CFAP299: variants seen among roughly 807,000 people sequenced by gnomAD.
CFAP299 encodes the protein cilia- and flagella-associated protein 299.
Under a neutral mutation model 27.0 loss-of-function variants are expected in CFAP299, and 21 were observed. The ratio of observed to expected loss-of-function variants is 0.78; its 90% CI spans 0.55 to 1.12. The LOEUF is 1.12. Among genes scored for constraint, CFAP299 ranks in the 50% most tolerant of loss-of-function variants. The pLI, the probability that CFAP299 is intolerant of heterozygous loss-of-function variation, is 0.00. For synonymous variants in CFAP299, 104 were observed against 98.1 expected (o/e 1.06, Z -0.36); for missense variants, 310 against 276.6 (o/e 1.12, Z -0.86).
intron 3 of CFAP299, among the ~76,000 whole-genome samples, chr4:80,791,100 A>G (rs1001932911): frequency 6.6e-6 from 1 of 152,226 alleles, no homozygotes; most frequent in African/African-American, 2.4e-5. Context: ...GCTCTTAACC[A>G]TCTTCAAAGA....
intron 3 of CFAP299, among the ~76,000 whole-genome samples, chr4:80,642,517 G>A (rs1435366859): frequency 6.6e-6 from 1 of 152,184 alleles, no homozygotes; most frequent in African/African-American, 2.4e-5. Context: ...CATAATCCTA[G>A]CACTTTGGGA....
intron 2 of CFAP299, among the ~76,000 whole-genome samples, chr4:80,422,758 C>T (rs991999268): frequency 1.3e-5 from 2 of 152,130 alleles, no homozygotes; most frequent in African/African-American, 4.8e-5. Flanking sequence ...GATGAGGCAG[C>T]TTCTCAAGGA....
intron 3 of CFAP299, among the ~76,000 whole-genome samples, chr4:80,643,403 G>T (rs577252452): frequency 6.6e-6 from 1 of 152,250 alleles, no homozygotes; most frequent in Admixed American, 6.5e-5. Flanking sequence ...CTTATTAGAG[G>T]AGTTTGCTAT....
At chr4:80,598,997 C>G (rs1034112399) in intron 3 of CFAP299, among the ~76,000 whole-genome samples, 1 of 152,152 alleles carries the variant, frequency 6.6e-6, no homozygotes, top group South Asian at 2.1e-4. Context: ...ATGCGGCATG[C>G]CTAAATGTCA....
At chr4:80,442,306 G>A (rs1179057461) in intron 2 of CFAP299, among the ~76,000 whole-genome samples, 8 of 152,124 alleles carry the variant, frequency 5.3e-5, no homozygotes, top group Non-Finnish European at 1.0e-4. Context: ...ATAATTAGAA[G>A]TAAAACACTC....
chr4:80,912,091 A>G (rs758195569), intron 4 of CFAP299, among the ~76,000 whole-genome samples: 4 of 152,286 alleles, frequency 2.6e-5, no homozygotes, highest in Non-Finnish European at 5.9e-5. Context: ...TGTTCTACTT[A>G]TTGAGAAAGT....
intron 3 of CFAP299, among the ~76,000 whole-genome samples, chr4:80,838,775 G>A (rs1224676805): frequency 6.6e-6 from 1 of 151,824 alleles, no homozygotes; most frequent in African/African-American, 2.4e-5. Flanking sequence ...GAAATTTTAA[G>A]TAGTTTTTTC....
chr4:80,350,439 T>C (rs1385369309), intron 1 of CFAP299, among the ~76,000 whole-genome samples: 2 of 152,188 alleles, frequency 1.3e-5, no homozygotes, highest in Non-Finnish European at 2.9e-5. Flanking sequence ...ACTGGGTATA[T>C]ACCCAAAGGA....
At chr4:80,855,875 A>G (rs981155706) in intron 3 of CFAP299, among the ~76,000 whole-genome samples, 2 of 151,704 alleles carry the variant, frequency 1.3e-5, no homozygotes, top group African/African-American at 4.9e-5. Context: ...ATACGTGTGC[A>G]TGTGTCTTTA....
chr4:80,835,805 T>C (rs1300048382), intron 3 of CFAP299, among the ~76,000 whole-genome samples: 1 of 152,190 alleles, frequency 6.6e-6, no homozygotes, highest in Non-Finnish European at 1.5e-5. Context: ...TCACCAAGTC[T>C]GGCAAATTTT....
At chr4:80,840,018 C>T (rs528355240) in intron 3 of CFAP299, among the ~76,000 whole-genome samples, 1 of 152,232 alleles carries the variant, frequency 6.6e-6, no homozygotes, top group African/African-American at 2.4e-5. Flanking sequence ...TGAGATAATT[C>T]TTGTGAAAAC....
chr4:80,593,299 T>A (rs1044262736), intron 3 of CFAP299, among the ~76,000 whole-genome samples: 5 of 152,212 alleles, frequency 3.3e-5, no homozygotes, highest in Non-Finnish European at 7.3e-5. Context: ...CTTTTATAAA[T>A]ATATACTCTG....
chr4:80,744,387 T>A lies in CFAP299; in HGVS notation c.334-125606T>A, dbSNP rs181667763. 8.7e-3 allele frequency among the ~76,000 whole-genome samples: 1,312 copies of A among 150,130 alleles called. 14 individuals carry two copies. The highest frequency in any genetic ancestry group is 0.055 in the South Asian group (254 of 4,594). On this transcript the variant is annotated intron_variant, in intron 3 of 5. Transcript: ENST00000358105. ...CTGATCAGCCAGCCCAGAAGTGTTTTTATGACTCACAAAAAAAGGTGGGGG... is the reference window on the plus strand; with the variant it reads ...CTGATCAGCCAGCCCAGAAGTGTTTATATGACTCACAAAAAAAGGTGGGGG...
chr4:80,715,758 A>T (rs909265088), intron 3 of CFAP299, among the ~76,000 whole-genome samples: 1 of 152,012 alleles, frequency 6.6e-6, no homozygotes, highest in Admixed American at 6.6e-5. Context: ...CTTTTGTGCT[A>T]TTGGCCATTT....
chr4:80,612,207 A>G (rs756667759), intron 3 of CFAP299, among the ~76,000 whole-genome samples: 1 of 151,882 alleles, frequency 6.6e-6, no homozygotes, highest in African/African-American at 2.4e-5. Flanking sequence ...CTCTATTTTT[A>G]TACCCCATTT....
chr4:80,712,611 G>C (rs1656990034), intron 3 of CFAP299, among the ~76,000 whole-genome samples: 1 of 152,046 alleles, frequency 6.6e-6, no homozygotes, highest in Admixed American at 6.6e-5. Context: ...TCTTTACTAA[G>C]CTGAGTAAAC....
At chr4:80,586,265 T>G (rs987688803) in intron 3 of CFAP299, among the ~76,000 whole-genome samples, 7 of 152,000 alleles carry the variant, frequency 4.6e-5, no homozygotes, top group African/African-American at 1.7e-4. Context: ...ATAATAAATT[T>G]TATAATAAAG....
intron 3 of CFAP299, among the ~76,000 whole-genome samples, chr4:80,827,603 T>C (rs543761181): frequency 2.1e-4 from 32 of 151,860 alleles, no homozygotes; most frequent in Non-Finnish European, 3.7e-4. Flanking sequence ...ACAGCAAATA[T>C]CATGAAAGAC....
intron 4 of CFAP299, 119 bp from the exon 5 acceptor site, chr4:80,944,691 G>A: frequency 1.5e-6 from 1 of 686,844 alleles, no homozygotes. Context: ...CTACATGGTT[G>A]TATGGCATGT....
Sources: gnomAD v4.1 joint callset for allele counts (sites outside exome capture counted in the v4.1 genomes callset) on GRCh38, gnomAD v4.1.1 for gene constraint, MANE v1.5 for transcripts, NCBI Gene and HGNC (gene_info 2026-07-23, HGNC 2026-07-21) for gene names.